Variants in PAPSS2 observed in about 807,000 individuals in gnomAD.
The protein encoded by PAPSS2 is 3'-phosphoadenosine 5'-phosphosulfate synthase 2, also known as bifunctional 3'-phosphoadenosine 5'-phosphosulfate synthase 2.
A neutral mutation model predicts 66.5 loss-of-function variants in PAPSS2; 61 were observed. The observed-to-expected ratio is 0.92, with a 90% CI of 0.75 to 1.14. The LOEUF (loss-of-function observed/expected upper bound fraction) is 1.14. Among genes scored for constraint, PAPSS2 ranks in the 50% most tolerant of loss-of-function variants. The pLI is 0.00. For synonymous variants in PAPSS2, 289 were observed against 287.5 expected (o/e 1.01, Z -0.05); for missense variants, 708 against 789.6 (o/e 0.90, Z 1.24).
intron 9 of PAPSS2, among the ~76,000 whole-genome samples, chr10:87,738,957 T>C (rs1054218518): frequency 2.0e-5 from 3 of 152,222 alleles, no homozygotes; most frequent in Non-Finnish European, 4.4e-5. Flanking sequence ...TTTTCAAATA[T>C]TTTCTCTTTC....
At chr10:87,691,154 A>C (rs1031743297) in intron 1 of PAPSS2, among the ~76,000 whole-genome samples, 4 of 152,136 alleles carry the variant, frequency 2.6e-5, no homozygotes, top group African/African-American at 4.8e-5. Context: ...CTTATGACCT[A>C]TCCACCACTT....
intron 9 of PAPSS2, among the ~76,000 whole-genome samples, 153 bp from the exon 10 acceptor site, chr10:87,741,082 A>T (rs1404465642): frequency 1.3e-5 from 2 of 152,240 alleles, no homozygotes; most frequent in Non-Finnish European, 2.9e-5. Context: ...GGTTCTAGAG[A>T]CCAAAAAGTT....
At chr10:87,684,651 A>G (rs893724048) in intron 1 of PAPSS2, among the ~76,000 whole-genome samples, 5 of 152,190 alleles carry the variant, frequency 3.3e-5, no homozygotes, top group Admixed American at 6.5e-5. Flanking sequence ...GTGGTATTCC[A>G]TTGTGTAAAG....
chr10:87,660,804 G>GAAAAA (rs61018901), intron 1 of PAPSS2, among the ~76,000 whole-genome samples: 3 of 114,146 alleles, frequency 2.6e-5, no homozygotes, highest in Non-Finnish European at 3.6e-5. Context: ...CCAATAAACT[G>GAAAAA]AAAAAAAAAA....
chr10:87,715,875 T>G (rs1333559971), intron 7 of PAPSS2, 32 bp downstream of exon 7: 3 of 1,346,462 alleles, frequency 2.2e-6, no homozygotes, highest in Admixed American at 1.8e-5. Flanking sequence ...TTACTCTTTG[T>G]TGTTAAGGAA....
chr10:87,730,146 A>G (rs1362020759), intron 9 of PAPSS2, among the ~76,000 whole-genome samples: 3 of 152,254 alleles, frequency 2.0e-5, no homozygotes, highest in African/African-American at 7.2e-5. Context: ...GTAGGGGTCA[A>G]GGGAAAACTT....
At chr10:87,693,887 A>G (rs1185459161) in intron 1 of PAPSS2, among the ~76,000 whole-genome samples, 1 of 152,256 alleles carries the variant, frequency 6.6e-6, no homozygotes, top group Non-Finnish European at 1.5e-5. Flanking sequence ...AGGTCACAGC[A>G]GGTCTCACTT....
chr10:87,665,968 C>CTT (rs11414496), intron 1 of PAPSS2, among the ~76,000 whole-genome samples: 59 of 140,756 alleles, frequency 4.2e-4, no homozygotes, highest in East Asian at 4.1e-3. Flanking sequence ...ATTTTTTTTT[C>CTT]TTTTTTTTTT....
intron 2 of PAPSS2, among the ~76,000 whole-genome samples, chr10:87,711,636 G>A (rs960295064): frequency 3.3e-5 from 5 of 152,254 alleles, no homozygotes; most frequent in South Asian, 2.1e-4. Flanking sequence ...GTGTTGACAC[G>A]TTCTTCATAC....
intron 9 of PAPSS2, among the ~76,000 whole-genome samples, chr10:87,730,976 T>G (rs1255201998): frequency 6.6e-6 from 1 of 152,256 alleles, no homozygotes; most frequent in African/African-American, 2.4e-5. Flanking sequence ...GCTAAGATCA[T>G]TGATGTAGGT....
At chr10:87,700,671 A>T (rs1853292174) in intron 1 of PAPSS2, among the ~76,000 whole-genome samples, 3 of 151,852 alleles carry the variant, frequency 2.0e-5, no homozygotes. Context: ...AAAAAAAAAA[A>T]AGAAAAAAGA....
At chr10:87,675,469 T>C (rs1166555931) in intron 1 of PAPSS2, among the ~76,000 whole-genome samples, 1 of 152,230 alleles carries the variant, frequency 6.6e-6, no homozygotes, top group Non-Finnish European at 1.5e-5. Context: ...TATTCTTCTG[T>C]GTCTTGAGTG....
chr10:87,662,227 ACT>A (rs1852760826), intron 1 of PAPSS2, among the ~76,000 whole-genome samples: 1 of 152,078 alleles, frequency 6.6e-6, no homozygotes, highest in Non-Finnish European at 1.5e-5. Flanking sequence ...TTGAGCACCT[ACT>A]GTATGCCAGG....
At chr10:87,688,532 T>A (rs931854397) in intron 1 of PAPSS2, among the ~76,000 whole-genome samples, 1 of 151,830 alleles carries the variant, frequency 6.6e-6, no homozygotes. Flanking sequence ...GGATCTCTGC[T>A]CACCTCAAGC....
intron 1 of PAPSS2, among the ~76,000 whole-genome samples, chr10:87,683,732 C>G (rs1173611737): frequency 6.6e-6 from 1 of 151,312 alleles, no homozygotes; most frequent in Non-Finnish European, 1.5e-5. Flanking sequence ...CTCTGTCACC[C>G]AGGCTGGAAT....
chr10:87,687,415 A>G (rs945334309), intron 1 of PAPSS2, among the ~76,000 whole-genome samples: 1 of 152,212 alleles, frequency 6.6e-6, no homozygotes, highest in Non-Finnish European at 1.5e-5. Context: ...AGACTAGCCC[A>G]CTTGGTTGAA....
intron 7 of PAPSS2, 63 bp downstream of exon 7, chr10:87,715,906 A>T: frequency 9.3e-7 from 1 of 1,080,146 alleles, no homozygotes; most frequent in South Asian, 1.3e-5. Context: ...CTTTCCCAGA[A>T]GTTTTGCAGG....
At chr10:87,742,268 T>C (rs1853879476) in intron 10 of PAPSS2, among the ~76,000 whole-genome samples, 1 of 152,206 alleles carries the variant, frequency 6.6e-6, no homozygotes, top group Admixed American at 6.5e-5. Context: ...AGCATAATCA[T>C]GTTCTGGAAA....
chr10:87,694,408 T>TA (rs1853207644), intron 1 of PAPSS2, among the ~76,000 whole-genome samples: 1 of 152,170 alleles, frequency 6.6e-6, no homozygotes, highest in South Asian at 2.1e-4. Context: ...CAGGATCTCA[T>TA]AGCTACAGGA....
Sources: gnomAD v4.1 joint callset for allele counts (sites outside exome capture counted in the v4.1 genomes callset) on GRCh38, gnomAD v4.1.1 for gene constraint, MANE v1.5 for transcripts, NCBI Gene and HGNC (gene_info 2026-07-23, HGNC 2026-07-21) for gene names.